The following ANKRD30B variants were observed in gnomAD, a reference collection of about 807,000 sequenced individuals.
ANKRD30B encodes the protein ankyrin repeat domain 30B, also known as ankyrin repeat domain-containing protein 30B.
In ANKRD30B, 144 loss-of-function variants were observed where a neutral mutation model predicts 202.2. The ratio of observed to expected loss-of-function variants is 0.71; its 90% CI spans 0.62 to 0.82. ANKRD30B has a LOEUF of 0.82. Among genes scored for constraint, ANKRD30B ranks in the 40% least tolerant of loss-of-function variants. ANKRD30B has a pLI of 0.00. For missense variants in ANKRD30B, 1,487 were observed against 1,669.1 expected (o/e 0.89, Z 1.90); for synonymous variants, 508 against 561.3 (o/e 0.91, Z 1.34).
At chr18:14,830,213 G>A in intron 33 of ANKRD30B, 1 of 154,452 alleles carries the variant, frequency 6.5e-6, no homozygotes, top group Middle Eastern at 5.2e-4. Flanking sequence ...TATATATAGT[G>A]GCTCCCACTT....
intron 33 of ANKRD30B, among the ~76,000 whole-genome samples, chr18:14,828,695 T>A (rs142216376): frequency 4.6e-5 from 7 of 152,210 alleles, no homozygotes; most frequent in African/African-American, 1.7e-4. Context: ...TCACATTTTG[T>A]TATATGTTAA....
the ANKRD30B span, among the ~76,000 whole-genome samples, chr18:14,913,542 C>T: frequency 1.3e-5 from 2 of 152,220 alleles, no homozygotes; most frequent in Non-Finnish European, 1.5e-5. Flanking sequence ...TAATCTTCAT[C>T]AGGACAGGAT....
the ANKRD30B span, among the ~76,000 whole-genome samples, chr18:14,929,944 C>T: frequency 3.9e-5 from 6 of 152,100 alleles, no homozygotes; most frequent in African/African-American, 1.4e-4. Context: ...CAGATGGAGT[C>T]CCAGCAAAAG....
rs547873368 is a variant in ANKRD30B, at chr18:14,772,814, T to C, written c.1329+586T>C. On this transcript the variant is annotated intron_variant, in intron 9 of 43. Transcript: ENST00000690538. The stretch of plus-strand genomic sequence containing the variant: ...TGGTTCTTTAATTACACCAAAATAA[T>C]ATTAGAAATTGTGAAAATTTATTTG... Among the ~76,000 whole-genome samples, 27 of 150,722 alleles carry C rather than the reference T, an allele frequency of 1.8e-4. No individual in the cohort carries two copies. The East Asian group carries it at 5.4e-3, about 30-fold the overall frequency.
the ANKRD30B span, among the ~76,000 whole-genome samples, chr18:14,892,986 G>T: frequency 1.3e-5 from 2 of 151,826 alleles, no homozygotes; most frequent in Non-Finnish European, 2.9e-5. Context: ...CACATATTAG[G>T]GTTAAGGATA....
chr18:14,896,468 T>C, the ANKRD30B span, among the ~76,000 whole-genome samples: 1 of 151,490 alleles, frequency 6.6e-6, no homozygotes, highest in African/African-American at 2.4e-5. Context: ...AAAAATGTTC[T>C]AAAATACAAA....
intron 26 of ANKRD30B, among the ~76,000 whole-genome samples, chr18:14,809,458 C>T (rs1273685486): frequency 6.6e-6 from 1 of 150,704 alleles, no homozygotes; most frequent in Non-Finnish European, 1.5e-5. Flanking sequence ...GGGAGTATGC[C>T]TTAACCCTAA....
At chr18:14,925,691 G>A in the ANKRD30B span, among the ~76,000 whole-genome samples, 1 of 152,192 alleles carries the variant, frequency 6.6e-6, no homozygotes, top group Non-Finnish European at 1.5e-5. Context: ...TCACAGCCCA[G>A]ATGGTGGGCT....
chr18:14,840,546 A>T (rs1971374431), intron 36 of ANKRD30B, 42 bp from the exon 37 acceptor site: 1 of 1,085,054 alleles, frequency 9.2e-7, no homozygotes, highest in African/African-American at 1.7e-5. Context: ...AAATTAAAAA[A>T]TAGTAAAAAA....
the ANKRD30B span, among the ~76,000 whole-genome samples, chr18:14,904,270 G>T: frequency 6.6e-6 from 1 of 152,236 alleles, no homozygotes; most frequent in Non-Finnish European, 1.5e-5. Flanking sequence ...TCCTGGCCGT[G>T]TGTCTAAGCT....
chr18:14,916,183 G>T, the ANKRD30B span, among the ~76,000 whole-genome samples: 1 of 152,208 alleles, frequency 6.6e-6, no homozygotes, highest in Non-Finnish European at 1.5e-5. Flanking sequence ...CCTAAAGGGG[G>T]TGAGCACTGG....
At chr18:14,923,663 G>A in the ANKRD30B span, among the ~76,000 whole-genome samples, 2 of 152,194 alleles carry the variant, frequency 1.3e-5, no homozygotes, top group Non-Finnish European at 2.9e-5. Flanking sequence ...TAGCAACAAG[G>A]TACCCAAGTA....
the ANKRD30B span, chr18:14,878,022 A>G: frequency 6.6e-6 from 1 of 152,166 alleles, no homozygotes; most frequent in African/African-American, 2.4e-5. Flanking sequence ...AAACATGCCT[A>G]TTTGCAGAGA....
At chr18:14,752,314 A>T (rs1913579617) in intron 1 of ANKRD30B, among the ~76,000 whole-genome samples, 1 of 152,200 alleles carries the variant, frequency 6.6e-6, no homozygotes, top group African/African-American at 2.4e-5. Flanking sequence ...AAAGTGAAAG[A>T]CCTTAAAGTA....
At chr18:14,898,637 A>C in the ANKRD30B span, among the ~76,000 whole-genome samples, 1 of 151,938 alleles carries the variant, frequency 6.6e-6, no homozygotes, top group African/African-American at 2.4e-5. Context: ...TTTTTTACTG[A>C]TGCCTCTCTT....
At chr18:14,861,185 C>T in the ANKRD30B span, among the ~76,000 whole-genome samples, 1 of 152,064 alleles carries the variant, frequency 6.6e-6, no homozygotes, top group African/African-American at 2.4e-5. Flanking sequence ...TACATGAATA[C>T]AAAATGTACA....
In ANKRD30B at chr18:14,786,935, AG is replaced by A. The variant is rs1968119190; in HGVS notation, c.1673-102del. ...AACAAAAAGAATATACAGGCTACAG[AG>A]GAAAAACTACAGATTCGTGAATGAA... On this transcript the variant is annotated intron_variant, in intron 14 of 43. Transcript: ENST00000690538. 6.0e-6 allele frequency: 7 copies of A among 1,162,278 alleles called. 1 individual carries two copies. The South Asian group carries it at 1.0e-4, about 17-fold the overall frequency. The allele number at this position is 1,162,278 out of a possible 1,614,324, so 72.0% of individuals were successfully genotyped here. A position where few individuals can be genotyped will look rare whatever the true frequency, so the allele number is the denominator to read the frequency against.
chr18:14,806,018 A>G (rs1969487909), intron 24 of ANKRD30B, among the ~76,000 whole-genome samples: 1 of 150,496 alleles, frequency 6.6e-6, no homozygotes. Context: ...CAGGAGATCC[A>G]GACCATCCTG....
intron 39 of ANKRD30B, 28 bp from the exon 40 acceptor site, chr18:14,848,688 T>G: frequency 3.5e-6 from 5 of 1,448,624 alleles, no homozygotes; most frequent in Non-Finnish European, 4.6e-6. Flanking sequence ...TACTAATATA[T>G]TTTATTTCTA....
Sources: gnomAD v4.1 joint callset for allele counts (sites outside exome capture counted in the v4.1 genomes callset) on GRCh38, gnomAD v4.1.1 for gene constraint, MANE v1.5 for transcripts, NCBI Gene and HGNC (gene_info 2026-07-23, HGNC 2026-07-21) for gene names.